The following TSPEAR variants were observed in gnomAD, a reference collection of about 807,000 sequenced individuals.
TSPEAR encodes thrombospondin type laminin G domain and EAR repeats.
A neutral mutation model predicts 71.6 loss-of-function variants in TSPEAR; 69 were observed. The observed-to-expected ratio is 0.96, with a 90% CI of 0.79 to 1.18. The LOEUF is 1.18. Among genes scored for constraint, TSPEAR ranks in the 50% most tolerant of loss-of-function variants. TSPEAR has a pLI of 0.00. For missense variants in TSPEAR, 971 were observed against 894.9 expected (o/e 1.09, Z -1.09); for synonymous variants, 402 against 387.2 (o/e 1.04, Z -0.45).
chr21:44,638,535 C>G (rs920166705), intron 1 of TSPEAR: 6 of 301,836 alleles, frequency 2.0e-5, no homozygotes, highest in African/African-American at 1.3e-4. Context: ...AGGGAGAGTC[C>G]TGACCCCCAG....
At chr21:44,703,364 C>CA (rs1204255834) in intron 1 of TSPEAR, among the ~76,000 whole-genome samples, 1 of 152,234 alleles carries the variant, frequency 6.6e-6, no homozygotes, top group Non-Finnish European at 1.5e-5. Flanking sequence ...ATCCAGGATT[C>CA]AGGTGGTGAT....
chr21:44,668,891 A>T (rs1212264112), intron 1 of TSPEAR, among the ~76,000 whole-genome samples: 1 of 152,226 alleles, frequency 6.6e-6, no homozygotes, highest in Non-Finnish European at 1.5e-5. Flanking sequence ...TTAACTCAAG[A>T]TCAAAGATAG....
At chr21:44,499,961 G>A (rs1555910946) in intron 11 of TSPEAR, 25 bp from the exon 12 acceptor site, 1 of 1,586,102 alleles carries the variant, frequency 6.3e-7, no homozygotes, top group Non-Finnish European at 8.5e-7. Context: ...GCGGCAGCCG[G>A]GTCAGCCTGG....
chr21:44,655,023 A>C (rs1351181988), intron 1 of TSPEAR, among the ~76,000 whole-genome samples: 1 of 152,172 alleles, frequency 6.6e-6, no homozygotes, highest in Non-Finnish European at 1.5e-5. Context: ...CTCAGTCATC[A>C]TCAGGGTCTT....
At chr21:44,538,768 A>G (rs2145999138) in intron 2 of TSPEAR, among the ~76,000 whole-genome samples, 2 of 152,294 alleles carry the variant, frequency 1.3e-5, no homozygotes, top group South Asian at 4.1e-4. Flanking sequence ...GCGAATGACC[A>G]GGCTCAGGAA....
chr21:44,611,236 G>A (rs1034067112), intron 1 of TSPEAR, among the ~76,000 whole-genome samples: 6 of 152,100 alleles, frequency 3.9e-5, no homozygotes, highest in Non-Finnish European at 7.4e-5. Flanking sequence ...CCCAAATCTC[G>A]ACTTGAATTT....
At chr21:44,684,209 G>A (rs1164714597) in intron 1 of TSPEAR, among the ~76,000 whole-genome samples, 1 of 152,216 alleles carries the variant, frequency 6.6e-6, no homozygotes, top group Non-Finnish European at 1.5e-5. Flanking sequence ...CAATCCGGAA[G>A]TCTACATCTA....
At chr21:44,693,335 C>T (rs1040093565) in intron 1 of TSPEAR, among the ~76,000 whole-genome samples, 3 of 151,880 alleles carry the variant, frequency 2.0e-5, no homozygotes, top group African/African-American at 7.3e-5. Flanking sequence ...GAAGCACCAG[C>T]AACAAAAGAA....
In TSPEAR at chr21:44,558,196, T is replaced by C. The variant is rs200455309; in HGVS notation, c.303+9589A>G. The C allele has an allele frequency of 1.9e-3, 2,959 of 1,548,690 alleles. 7 individuals carry two copies. The highest frequency in any genetic ancestry group is 3.8e-3 in the South Asian group (325 of 85,066). On this transcript the variant is annotated intron_variant, in intron 2 of 11. Transcript: ENST00000323084. ...GAGGCAGGGGCACAGCAGGAGGGGA[T>C]GGGCACACAGCAGGTGGACCTGCAC...
At chr21:44,598,979 T>C (rs1203294264) in intron 1 of TSPEAR, among the ~76,000 whole-genome samples, 1 of 152,226 alleles carries the variant, frequency 6.6e-6, no homozygotes, top group Non-Finnish European at 1.5e-5. Context: ...TTTAAAGATG[T>C]CATTCTATTA....
intron 1 of TSPEAR, among the ~76,000 whole-genome samples, chr21:44,579,002 C>G (rs1471146031): frequency 1.3e-5 from 2 of 152,192 alleles, no homozygotes; most frequent in Non-Finnish European, 2.9e-5. Context: ...TGATCGAGTC[C>G]CTTGTCTCCT....
Position 44,546,542 on chromosome 21 carries a change from A to G in TSPEAR, c.304-12619T>C, listed in dbSNP as rs1265902262. Reference sequence around the variant, plus strand: ...TTGGAGTTTCACCATGTTAGCCAGGATGGTCTCAATCTCCTGACCTCGTGA... The same window carrying G: ...TTGGAGTTTCACCATGTTAGCCAGGGTGGTCTCAATCTCCTGACCTCGTGA... On this transcript the variant is annotated intron_variant, in intron 2 of 11. Coordinates refer to ENST00000323084, the MANE Select transcript of TSPEAR (RefSeq NM_144991.3). The surrounding 1 kb of genome is among the most constrained non-coding windows in gnomAD (Gnocchi z 4.4). Among the ~76,000 whole-genome samples, 1 of 152,122 alleles carries G rather than the reference A, an allele frequency of 6.6e-6. No individual in the cohort carries two copies. The highest frequency in any genetic ancestry group is 1.5e-5 in the Non-Finnish European group (1 of 68,004).
At chr21:44,590,925 A>G (rs73907035) in intron 1 of TSPEAR, among the ~76,000 whole-genome samples, 12,169 of 151,276 alleles carry the variant, frequency 0.08, 849 homozygotes, top group African/African-American at 0.25. Context: ...CCAGCACCAG[A>G]AGGCATTGCT....
chr21:44,599,031 G>C (rs1980562298), intron 1 of TSPEAR, among the ~76,000 whole-genome samples: 1 of 151,974 alleles, frequency 6.6e-6, no homozygotes, highest in South Asian at 2.1e-4. Flanking sequence ...AGCTTTAAAG[G>C]AATCATTTTT....
intron 1 of TSPEAR, among the ~76,000 whole-genome samples, chr21:44,590,363 G>A (rs1158868834): frequency 6.6e-6 from 1 of 152,096 alleles, no homozygotes; most frequent in Non-Finnish European, 1.5e-5. Flanking sequence ...GGCTGGGGGT[G>A]TGGGGACAGG....
rs112728315 is a variant in TSPEAR, at chr21:44,638,340, G to A, written c.83-70335C>T. On this transcript the variant is annotated intron_variant, in intron 1 of 11. Coordinates refer to ENST00000323084, the MANE Select transcript of TSPEAR (RefSeq NM_144991.3). ...CCTTCCCAGATGATGGCTGCCTGTG[G>A]GACCCCAGCTACTCCCCCAGACCCA... 8.0e-3 allele frequency: 2,324 copies of A among 291,548 alleles called. 263 individuals are homozygous for A. Among genetic ancestry groups the A allele is most frequent in the East Asian group, 0.015 (218 of 14,650 alleles). 18.1% of individuals were successfully genotyped at this position (291,548 alleles called of 1,614,324 possible).
chr21:44,576,108 A>G (rs782552036), intron 1 of TSPEAR, among the ~76,000 whole-genome samples: 24 of 152,246 alleles, frequency 1.6e-4, no homozygotes, highest in Non-Finnish European at 2.4e-4. Flanking sequence ...TGGTTATAAA[A>G]CATACTCATA....
intron 1 of TSPEAR, among the ~76,000 whole-genome samples, chr21:44,597,686 C>T (rs1283163522): frequency 6.6e-6 from 1 of 152,156 alleles, no homozygotes; most frequent in Non-Finnish European, 1.5e-5. Flanking sequence ...CCTGCCCCAG[C>T]CTCCCACAGT....
chr21:44,627,268 G>T lies in TSPEAR; in HGVS notation c.83-59263C>A. 6.2e-7 allele frequency: 1 copy of T among 1,612,506 alleles called. No homozygotes were observed. On this transcript the variant is annotated intron_variant, in intron 1 of 11. Transcript: ENST00000323084. ...GAGCTGCTGTGAGCCCCCCTGCTGC[G>T]CCACCAGCTGCTGCGCCCCGGCCCC...
Sources: gnomAD v4.1 joint callset for allele counts (sites outside exome capture counted in the v4.1 genomes callset) on GRCh38, gnomAD v4.1.1 for gene constraint, Gnocchi (gnomAD v3.1) non-coding constraint, MANE v1.5 for transcripts, NCBI Gene and HGNC (gene_info 2026-07-23, HGNC 2026-07-21) for gene names.